Variants in WDR64 observed in about 807,000 individuals in gnomAD.
WDR64 encodes WD repeat domain 64.
Under a neutral mutation model 139.3 loss-of-function variants are expected in WDR64, and 112 were observed. The observed-to-expected ratio is 0.80, with a 90% CI of 0.69 to 0.94. The LOEUF is 0.94. WDR64 is among the 40% of genes least tolerant of loss of function. WDR64 has a pLI of 0.00. For synonymous variants in WDR64, 444 were observed against 437.7 expected (o/e 1.01, Z -0.18); for missense variants, 1,206 against 1,293.1 (o/e 0.93, Z 1.03).
At chr1:241,782,667 A>G (rs534878812) in intron 22 of WDR64, among the ~76,000 whole-genome samples, 9 of 152,334 alleles carry the variant, frequency 5.9e-5, no homozygotes, top group Admixed American at 5.9e-4. Context: ...AAACATAAAC[A>G]ATGAAGCCTC....
At chr1:241,706,262 A>G (rs907553303) in intron 8 of WDR64, among the ~76,000 whole-genome samples, 10 of 152,238 alleles carry the variant, frequency 6.6e-5, no homozygotes, top group Non-Finnish European at 1.2e-4. Flanking sequence ...ATTCACACTG[A>G]TACTGTCCAG....
intron 9 of WDR64, among the ~76,000 whole-genome samples, chr1:241,713,624 AG>A (rs898044312): frequency 2.0e-5 from 3 of 152,200 alleles, no homozygotes; most frequent in African/African-American, 7.2e-5. Flanking sequence ...GGTGCATAAT[AG>A]GTTCTCAATA....
chr1:241,711,236 CAA>C (rs34264828), intron 8 of WDR64, among the ~76,000 whole-genome samples: 4 of 139,222 alleles, frequency 2.9e-5, no homozygotes, highest in African/African-American at 7.9e-5. Flanking sequence ...GACCTTGTCT[CAA>C]AAAAAAAAAA....
At chr1:241,663,629 C>T (rs775017951) in intron 2 of WDR64, among the ~76,000 whole-genome samples, 9 of 152,238 alleles carry the variant, frequency 5.9e-5, no homozygotes, top group Non-Finnish European at 1.2e-4. Flanking sequence ...TTAGCTTCCA[C>T]AGAAAAAACT....
Position 241,723,282 on chromosome 1 carries a change from T to C in WDR64, c.1055-15T>C, listed in dbSNP as rs760864351. ...CCTCAGAAAACCAACAATCTTTCCC[T>C]GTCCTCCTTTTCAGGAGATGATAAG... On this transcript the variant is annotated splice_polypyrimidine_tract_variant and intron_variant, in intron 9 of 27. Coordinates refer to ENST00000437684, the MANE Select transcript of WDR64 (RefSeq NM_001367482.1). 2 of 1,613,446 alleles carry C rather than the reference T, an allele frequency of 1.2e-6. No homozygotes were observed. The highest frequency in any genetic ancestry group is 1.7e-5 in the Admixed American group (1 of 59,928).
intron 4 of WDR64, among the ~76,000 whole-genome samples, chr1:241,675,174 C>T (rs1467580074): frequency 1.4e-5 from 1 of 71,208 alleles, no homozygotes; most frequent in African/African-American, 6.9e-5. Context: ...CTCCCACCCT[C>T]CTTCCTTCTT....
In WDR64 at chr1:241,802,430, G is replaced by A. The variant is rs1162090832; in HGVS notation, c.*1215G>A. Among the ~76,000 whole-genome samples the A allele has an allele frequency of 1.3e-5, 2 of 152,132 alleles. No individual in the cohort carries two copies. The highest frequency in any genetic ancestry group is 2.9e-5 in the Non-Finnish European group (2 of 68,000). On this transcript the variant is annotated 3_prime_UTR_variant, in exon 28 of 28. Coordinates refer to ENST00000437684, the MANE Select transcript of WDR64 (RefSeq NM_001367482.1). ...AGAGAGATTTAGAGATTTAGAAGGG[G>A]TATGAAAGAACTTTCTGGGGTGAAT...
intron 10 of WDR64, among the ~76,000 whole-genome samples, chr1:241,731,738 T>C (rs531214947): frequency 1.3e-5 from 2 of 152,344 alleles, no homozygotes; most frequent in African/African-American, 4.8e-5. Context: ...AAAGACATGC[T>C]GGATGTCTTC....
chr1:241,771,540 A>G lies in WDR64; in HGVS notation c.2254-121A>G, dbSNP rs575707610. ...ATTTTTTTCAAAAAAAAATTAAAGT[A>G]TAATTTTAAAAGTAATGCTTAGAAA... On this transcript the variant is annotated intron_variant, in intron 18 of 27. Transcript: ENST00000437684. 7.2e-5 allele frequency: 46 copies of G among 637,440 alleles called. No individual in the cohort carries two copies. In the African/African-American group the frequency reaches 7.2e-4, roughly 10 times the overall value. The allele number at this position is 637,440 out of a possible 1,614,324, so 39.5% of individuals were successfully genotyped here.
At chr1:241,726,012 G>A (rs12068261) in intron 10 of WDR64, among the ~76,000 whole-genome samples, 1 of 151,490 alleles carries the variant, frequency 6.6e-6, no homozygotes, top group Non-Finnish European at 1.5e-5. Flanking sequence ...ACCGTACGAA[G>A]CTAATTATTT....
At position 241,790,040 on chromosome 1, in the gene WDR64, G is replaced by A. The variant is rs932744107; in HGVS notation, c.2892-551G>A. 8.6e-5 allele frequency among the ~76,000 whole-genome samples: 13 copies of A among 152,018 alleles called. 1 individual carries two copies. Among genetic ancestry groups the A allele is most frequent in the Admixed American group, 7.9e-4 (12 of 15,260 alleles). On this transcript the variant is annotated intron_variant, in intron 24 of 27. Transcript: ENST00000437684. ...AGAGTTTCCCCTCCCACTCCCCAAG[G>A]GCTATTAGTGAATTTAAATACATGA... is the stretch of plus-strand genomic sequence containing the variant.
intron 2 of WDR64, among the ~76,000 whole-genome samples, chr1:241,668,639 G>T (rs976196191): frequency 6.6e-6 from 1 of 151,864 alleles, no homozygotes; most frequent in Non-Finnish European, 1.5e-5. Flanking sequence ...GGCCAGGTGT[G>T]GTGGCTCACA....
intron 25 of WDR64, 100 bp from the exon 26 acceptor site, chr1:241,795,107 C>T (rs55865277): frequency 0.23 from 221,997 of 970,980 alleles, 27,766 homozygotes; most frequent in East Asian, 0.44. Context: ...CCCTTAAGAT[C>T]ACACATCTAA....
rs140814175 is a variant in WDR64, at chr1:241,660,427, T to C, written c.146-103T>C. ...TGCAAATATATCTGGTTTTTATAGA[T>C]TGAGAAAAGAAAATACAAGGTGAGG... On this transcript the variant is annotated intron_variant, in intron 1 of 27. Transcript: ENST00000437684. 147 of 1,387,240 alleles carry C rather than the reference T, an allele frequency of 1.1e-4. No homozygotes were observed. In the Admixed American group the frequency reaches 3.2e-3, roughly 31 times the overall value. 85.9% of individuals were successfully genotyped at this position (1,387,240 alleles called of 1,614,324 possible).
chr1:241,705,278 A>T (rs939330681), intron 8 of WDR64, among the ~76,000 whole-genome samples: 12 of 151,962 alleles, frequency 7.9e-5, no homozygotes, highest in African/African-American at 2.9e-4. Context: ...GGGGTGGCTC[A>T]CGCCTGTAAT....
At chr1:241,731,182 G>A (rs1669063829) in intron 10 of WDR64, among the ~76,000 whole-genome samples, 1 of 152,044 alleles carries the variant, frequency 6.6e-6, no homozygotes, top group Non-Finnish European at 1.5e-5. Flanking sequence ...AAATTATGGA[G>A]CATTCACAAA....
At chr1:241,758,211 G>C (rs1161106864) in intron 15 of WDR64, among the ~76,000 whole-genome samples, 1 of 151,700 alleles carries the variant, frequency 6.6e-6, no homozygotes, top group Non-Finnish European at 1.5e-5. Context: ...AGTTAAATCT[G>C]GTGGCTTAAT....
In WDR64 at chr1:241,674,754, TC is replaced by T. The variant is rs200394722; in HGVS notation, c.483+8del. The T allele has an allele frequency of 2.6e-3, 3,954 of 1,496,860 alleles. 80 individuals carry two copies. In the African/African-American group the frequency reaches 0.047, roughly 18 times the overall value. 92.7% of individuals were successfully genotyped at this position (1,496,860 alleles called of 1,614,324 possible). ...AACAGTTTTTAATAACCAGGTAATT[TC>T]TTTTTCTTTTTTTAACTGAATGACT... On this transcript the variant is annotated splice_region_variant and intron_variant, in intron 4 of 27. Transcript: ENST00000437684.
intron 3 of WDR64, among the ~76,000 whole-genome samples, chr1:241,674,258 T>TTC (rs1183999290): frequency 1.5e-5 from 2 of 136,456 alleles, no homozygotes; most frequent in Non-Finnish European, 3.2e-5. Flanking sequence ...TTTTTTTTCT[T>TTC]TTCTTTTTTT....
Sources: allele counts gnomAD v4.1 joint callset (sites outside exome capture counted in the v4.1 genomes callset), GRCh38; gene constraint gnomAD v4.1.1; transcripts MANE v1.5; gene names NCBI Gene and HGNC (gene_info 2026-07-23, HGNC 2026-07-21).